Variants in TRRAP observed in about 807,000 individuals in gnomAD.
The protein encoded by TRRAP is transformation/transcription domain-associated protein.
Under a neutral mutation model 438.8 loss-of-function variants are expected in TRRAP, and 41 were observed. That is an observed-to-expected ratio of 0.09 (90% CI 0.07 to 0.12). TRRAP has a LOEUF of 0.12. TRRAP is among the 10% of genes least tolerant of loss of function. The pLI is 1.00. For missense variants in TRRAP, 3,122 were observed against 5,055.1 expected, an observed-to-expected ratio of 0.62 and a Z score of 11.60; for synonymous variants, 1,994 against 1,962.9, an observed-to-expected ratio of 1.02 and a Z score of -0.42.
intron 31 of TRRAP, among the ~76,000 whole-genome samples, chr7:98,945,534 TAG>T (rs1791011619): frequency 6.6e-6 from 1 of 152,246 alleles, no homozygotes; most frequent in Admixed American, 6.5e-5. Flanking sequence ...ATTCCACTGT[TAG>T]ACACTCTCTG....
intron 45 of TRRAP, among the ~76,000 whole-genome samples, chr7:98,959,949 A>G (rs1033822026): frequency 2.7e-5 from 4 of 150,024 alleles, no homozygotes; most frequent in South Asian, 2.1e-4. Flanking sequence ...AAAAAAAAAA[A>G]AAAAAGAAAA....
At chr7:98,930,605 G>T (rs782710302) in intron 24 of TRRAP, 28 bp from the exon 25 acceptor site, 2 of 1,611,738 alleles carry the variant, frequency 1.2e-6, no homozygotes, top group Non-Finnish European at 1.7e-6. Flanking sequence ...GCAGTAACGT[G>T]TTGTGGTTTG....
chr7:99,008,307 C>G lies in TRRAP; in HGVS notation c.10754-70C>G, dbSNP rs79222541. The G allele has an allele frequency of 2.3e-3, 3,521 of 1,515,684 alleles. 79 individuals carry two copies. In the African/African-American group the frequency reaches 0.043, roughly 18 times the overall value. 93.9% of individuals were successfully genotyped at this position (1,515,684 alleles called of 1,614,324 possible). A position where few individuals can be genotyped will look rare whatever the true frequency, so the allele number is the denominator to read the frequency against. On this transcript the variant is annotated intron_variant, in intron 69 of 72. Coordinates refer to ENST00000456197, the MANE Select transcript of TRRAP (RefSeq NM_001375524.1). ...GGTCAGCTCTGCTCCCAGTGGCACT[C>G]TGACGGTGGAGCTGAGCACTGGCCC...
Position 98,990,616 on chromosome 7 carries a change from C to G in TRRAP, c.9753C>G (p.Ser3251Arg). Reference sequence around the variant, plus strand: ...GAAAGCTGCTCTTGAACCTCATTAGCCAGGTGGGAAGAGCAGGGTGGCCTT... The same window carrying G: ...GAAAGCTGCTCTTGAACCTCATTAGGCAGGTGGGAAGAGCAGGGTGGCCTT... ...SEGKLLLNLISQVGRVYPQAV... is the reference protein window; with the variant it reads ...SEGKLLLNLIRQVGRVYPQAV... Residue 3251 changes from serine to arginine, a missense_variant, in exon 64 of 73, where the codon AGC becomes AGG. By Grantham distance (110) the Ser-to-Arg change is moderately radical. This residue lies in a region of TRRAP where 107 missense variants were observed against 327.5 expected (regional missense o/e 0.33). Transcript: ENST00000456197. 1 of 1,610,684 alleles carries G rather than the reference C, an allele frequency of 6.2e-7. No individual in the cohort carries two copies. The highest frequency in any genetic ancestry group is 8.5e-7 in the Non-Finnish European group (1 of 1,177,086).
At chr7:98,939,479 AC>A (rs1790698465) in intron 30 of TRRAP, among the ~76,000 whole-genome samples, 1 of 152,226 alleles carries the variant, frequency 6.6e-6, no homozygotes, top group Non-Finnish European at 1.5e-5. Flanking sequence ...AATAATAATG[AC>A]CCAAATACTA....
intron 5 of TRRAP, 124 bp from the exon 6 acceptor site, chr7:98,893,674 C>A: frequency 1.2e-6 from 1 of 841,268 alleles, no homozygotes; most frequent in Non-Finnish European, 1.9e-6. Flanking sequence ...GTTCTGTGAG[C>A]TGATGAATTT....
intron 44 of TRRAP, among the ~76,000 whole-genome samples, chr7:98,958,403 G>A (rs540000737): frequency 5.3e-5 from 8 of 152,106 alleles, no homozygotes; most frequent in African/African-American, 1.7e-4. Flanking sequence ...AGGTTCAAGC[G>A]ATTCTCGTCC....
chr7:98,882,959 G>A (rs912379393), intron 3 of TRRAP, among the ~76,000 whole-genome samples: 2 of 152,198 alleles, frequency 1.3e-5, no homozygotes, highest in Non-Finnish European at 2.9e-5. Flanking sequence ...GTGCCCGGCC[G>A]AGATGCACTC....
In TRRAP at chr7:98,929,925, T is replaced by C. The variant is rs184116228; in HGVS notation, c.3176-64T>C. On this transcript the variant is annotated intron_variant, in intron 23 of 72. Transcript: ENST00000456197. ...GGAGTTTCTAACTTCAAGGAAAACA[T>C]TGGGGAGTTCTGCAGTTTGAGGGAC... The C allele has an allele frequency of 3.0e-4, 456 of 1,534,870 alleles. 1 individual carries two copies. Among genetic ancestry groups the C allele is most frequent in the Admixed American group, 1.1e-3 (63 of 57,784 alleles).
intron 23 of TRRAP, 36 bp downstream of exon 23, chr7:98,927,402 T>A: frequency 1.2e-6 from 2 of 1,606,454 alleles, no homozygotes; most frequent in Non-Finnish European, 1.7e-6. Context: ...CGGGATTGGT[T>A]CTTTGACTTT....
Position 98,881,158 on chromosome 7 carries a change from T to G in TRRAP, c.8T>G (p.Phe3Cys). ...AACCAGCCCAAAAGAAAAATGGCGT[T>G]TGTTGCAACACAGGGGGCCACGGTG... MA[F>C]VATQGATVVD... The change falls in exon 2 of 73, where the codon TTT (phenylalanine) becomes TGT (cysteine). Residue 3 changes from phenylalanine (F) to cysteine (C), a missense_variant. By Grantham distance (205) the Phe-to-Cys change is radical (BLOSUM62 -2). Transcript: ENST00000456197. 1 of 1,604,228 alleles carries G rather than the reference T, an allele frequency of 6.2e-7. No individual in the cohort carries two copies. The highest frequency in any genetic ancestry group is 8.5e-7 in the Non-Finnish European group (1 of 1,175,330).
rs772690920 is a variant in TRRAP, at chr7:98,970,260, G to A, written c.7661G>A (p.Arg2554Gln). 6 of 1,613,016 alleles carry A rather than the reference G, an allele frequency of 3.7e-6. No individual in the cohort carries two copies. Among genetic ancestry groups the A allele is most frequent in the South Asian group, 2.2e-5 (2 of 91,078 alleles). The change falls in exon 52 of 73, where the codon CGG (arginine) becomes CAG (glutamine). Residue 2554 changes from arginine (R) to glutamine (Q), a missense_variant. Physicochemically the swap from Arg to Gln is conservative, Grantham distance 43 (BLOSUM62 1). Transcript: ENST00000456197. Reference sequence around the variant, plus strand: ...GTCACACATGTCAAGCAGGAGCCCCGGGAGCGGGAGAACAGCGAGTCCAAA... The same window carrying A: ...GTCACACATGTCAAGCAGGAGCCCCAGGAGCGGGAGAACAGCGAGTCCAAA... ...AMVTHVKQEP[R>Q]ERENSESKEE...
chr7:99,010,544 A>T (rs1794383659), intron 70 of TRRAP, among the ~76,000 whole-genome samples: 1 of 152,180 alleles, frequency 6.6e-6, no homozygotes, highest in Non-Finnish European at 1.5e-5. Context: ...TAACTGAGTG[A>T]ACTCTTACTG....
At chr7:98,911,293 G>A in intron 17 of TRRAP, 22 bp downstream of exon 17, 4 of 1,582,274 alleles carry the variant, frequency 2.5e-6, no homozygotes, top group Non-Finnish European at 3.4e-6. Context: ...CTTTTTTTAT[G>A]TTGTTTGAAC....
chr7:98,890,584 GCCT>G (rs1226566899), intron 4 of TRRAP, 139 bp downstream of exon 4: 3 of 587,692 alleles, frequency 5.1e-6, no homozygotes, highest in Admixed American at 7.4e-5. Context: ...CAAGACCGCT[GCCT>G]CCTCAGTTAC....
At chr7:99,004,078 C>T in intron 67 of TRRAP, 112 bp from the exon 68 acceptor site, 1 of 1,101,970 alleles carries the variant, frequency 9.1e-7, no homozygotes, top group South Asian at 1.6e-5. Context: ...CATCTCAAAA[C>T]AAACAAACAA....
chr7:98,905,937 T>C (rs1172436351), intron 12 of TRRAP, among the ~76,000 whole-genome samples: 4 of 152,148 alleles, frequency 2.6e-5, no homozygotes, highest in African/African-American at 9.7e-5. Context: ...CTTAATTTGA[T>C]CTCTGACCCT....
In TRRAP at chr7:98,956,085, G is replaced by A. The variant is rs1435630976; in HGVS notation, c.5938-61G>A. The A allele has an allele frequency of 2.4e-5, 37 of 1,557,498 alleles. No individual in the cohort carries two copies. The East Asian group carries it at 4.3e-4, about 18-fold the overall frequency. The stretch of plus-strand genomic sequence containing the variant: ...GGTGTGTGTGTGCACGTGCGCACAC[G>A]TGCATGCACTGTGGGACCAAGCTCC... On this transcript the variant is annotated intron_variant, in intron 41 of 72. Coordinates refer to ENST00000456197, the MANE Select transcript of TRRAP (RefSeq NM_001375524.1). This position sits in a 1 kb window ranked among gnomAD's most constrained non-coding sequence, Gnocchi z 4.5.
Position 98,933,786 on chromosome 7 carries a change from T to C in TRRAP, c.4014+384T>C, listed in dbSNP as rs566262524. Among the ~76,000 whole-genome samples the C allele has an allele frequency of 2.0e-5, 3 of 152,346 alleles. No homozygotes were observed. In the South Asian group the frequency reaches 6.2e-4, roughly 32 times the overall value. The stretch of plus-strand genomic sequence containing the variant: ...ATTCATTAATCACTGAAATGTGCCA[T>C]GTGCTGTTGAGAACATCACACAAGT... On this transcript the variant is annotated intron_variant, in intron 27 of 72. Transcript: ENST00000456197.
Sources: gnomAD v4.1 joint callset for allele counts (sites outside exome capture counted in the v4.1 genomes callset) on GRCh38, gnomAD v4.1.1 for gene constraint, gnomAD v4.1.1 regional missense constraint, Gnocchi (gnomAD v3.1) non-coding constraint, MANE v1.5 for transcripts, NCBI Gene and HGNC (gene_info 2026-07-23, HGNC 2026-07-21) for gene names.